The following ANKS1A variants were observed in gnomAD, a reference collection of about 807,000 sequenced individuals.
ANKS1A encodes the protein ankyrin repeat and SAM domain-containing protein 1A.
ANKS1A carries 55 observed loss-of-function variants against 120.3 expected under a neutral mutation model. The ratio of observed to expected loss-of-function variants is 0.46; its 90% confidence interval spans 0.37 to 0.57. The LOEUF is 0.57. Among genes scored for constraint, ANKS1A ranks in the 20% least tolerant of loss-of-function variants. The pLI is 0.00. For synonymous variants in ANKS1A, 590 were observed against 604.7 expected, an observed-to-expected ratio of 0.98 and a Z score of 0.36; for missense variants, 1,123 against 1,480.3, an observed-to-expected ratio of 0.76 and a Z score of 3.96.
chr6:34,893,163 C>G (rs1766906999), intron 1 of ANKS1A, among the ~76,000 whole-genome samples: 1 of 152,150 alleles, frequency 6.6e-6, no homozygotes, highest in Non-Finnish European at 1.5e-5. Context: ...TTATAGGTAT[C>G]ATCTTAGATA....
chr6:35,076,985 A>G (rs959913284), intron 13 of ANKS1A, among the ~76,000 whole-genome samples: 2 of 152,036 alleles, frequency 1.3e-5, no homozygotes, highest in Non-Finnish European at 2.9e-5. Flanking sequence ...GTAGGGAGGG[A>G]GTGCTTTGGA....
intron 1 of ANKS1A, among the ~76,000 whole-genome samples, chr6:34,944,624 T>C (rs1769695970): frequency 6.6e-6 from 1 of 152,206 alleles, no homozygotes; most frequent in Admixed American, 6.5e-5. Context: ...TCCAGGACTC[T>C]CCTGCATATA....
chr6:35,081,143 G>A lies in ANKS1A; in HGVS notation c.2694G>A (p.Glu898=). 1 of 1,611,042 alleles carries A rather than the reference G, an allele frequency of 6.2e-7. No individual in the cohort carries two copies. Among genetic ancestry groups the A allele is most frequent in the Non-Finnish European group, 8.5e-7 (1 of 1,178,874 alleles). ...LHDPAAPSRA[E]RFRIQEEHRE... ...ACCCTGCGGCACCCTCCCGAGCGGA[G>A]CGCTTCAGGATCCAGGTGGGGCAGG... Residue 898 remains glutamate (E), a synonymous_variant, in exon 17 of 24, where the codon GAG becomes GAA. Transcript: ENST00000360359.
intron 11 of ANKS1A, among the ~76,000 whole-genome samples, chr6:35,042,699 C>T (rs1007689685): frequency 6.6e-6 from 1 of 152,248 alleles, no homozygotes; most frequent in Non-Finnish European, 1.5e-5. Context: ...CACCAGTGCT[C>T]ATCAGTGCTT....
At chr6:35,039,091 T>TG (rs36124416) in intron 11 of ANKS1A, among the ~76,000 whole-genome samples, 52,166 of 113,598 alleles carry the variant, frequency 0.46, 9,411 homozygotes, top group East Asian at 0.63. Context: ...TGTGTGTGTG[T>TG]GGGGGGGGGT....
At position 34,967,211 on chromosome 6, in the gene ANKS1A, G is replaced by A. The variant is rs771209941; in HGVS notation, c.198-28G>A. 6.9e-6 allele frequency: 11 copies of A among 1,603,842 alleles called. No homozygotes were observed. In the African/African-American group the frequency reaches 1.3e-4, roughly 20 times the overall value. ...TGTGACTTCGGTCTGTGAAATCTAT[G>A]TCTCTCTCTTTTTTTTTTCCCTGAT... On this transcript the variant is annotated intron_variant, in intron 1 of 23. Coordinates refer to ENST00000360359, the MANE Select transcript of ANKS1A (RefSeq NM_015245.3).
rs1772029170 is a variant in ANKS1A at position 34,983,570 on chromosome 6, A to G, written c.1012+145A>G. On this transcript the variant is annotated intron_variant, in intron 7 of 23. Coordinates refer to ENST00000360359, the MANE Select transcript of ANKS1A (RefSeq NM_015245.3). The stretch of plus-strand genomic sequence containing the variant: ...TTTATATTCAGTTCATTTTTTGCCA[A>G]CTACTATGTGAAGTTTTATTGGACA... 7.0e-5 allele frequency: 49 copies of G among 703,894 alleles called. 2 individuals are homozygous for G. In the South Asian group the frequency reaches 9.2e-4, roughly 13 times the overall value. 43.6% of individuals were successfully genotyped at this position (703,894 alleles called of 1,614,324 possible).
chr6:34,889,504 C>T lies in ANKS1A; in HGVS notation c.102C>T (p.Gly34=). The T allele has an allele frequency of 1.0e-5, 13 of 1,269,708 alleles. No individual in the cohort carries two copies. Among genetic ancestry groups the T allele is most frequent in the South Asian group, 3.6e-5 (1 of 27,722 alleles). The allele number at this position is 1,269,708 out of a possible 1,614,324, so 78.7% of individuals were successfully genotyped here. A position where few individuals can be genotyped will look rare whatever the true frequency, so the allele number is the denominator to read the frequency against. ...AGCGGCTCTCCTCAGGCTTTGGGGG[C>T]GGCGGCGGCGGTGGCTCTGGGGGCG... The part of the protein sequence containing the change: ...SGKRLSSGFG[G]GGGGGSGGGG... Residue 34 remains glycine, a synonymous_variant, in exon 1 of 24, where the codon GGC becomes GGT. Coordinates refer to ENST00000360359, the MANE Select transcript of ANKS1A (RefSeq NM_015245.3). This position sits in a 1 kb window ranked among gnomAD's most constrained non-coding sequence, Gnocchi z 5.5.
chr6:34,938,867 A>G (rs371227940), intron 1 of ANKS1A, among the ~76,000 whole-genome samples: 19 of 152,204 alleles, frequency 1.2e-4, no homozygotes, highest in South Asian at 2.1e-4. Context: ...GCACGCCTGT[A>G]ATCCCACCTA....
At chr6:35,043,101 G>A (rs1219841570) in intron 11 of ANKS1A, among the ~76,000 whole-genome samples, 1 of 152,226 alleles carries the variant, frequency 6.6e-6, no homozygotes, top group African/African-American at 2.4e-5. Flanking sequence ...GTGTTGGGGA[G>A]AAGGGTCTTA....
At chr6:35,002,265 A>G (rs1024528748) in intron 10 of ANKS1A, among the ~76,000 whole-genome samples, 1 of 152,024 alleles carries the variant, frequency 6.6e-6, no homozygotes, top group African/African-American at 2.4e-5. Flanking sequence ...AAACATCAGT[A>G]GACTGGGAGC....
chr6:35,026,122 G>T lies in ANKS1A; in HGVS notation c.2010+8063G>T, dbSNP rs187023682. Reference sequence around the variant, plus strand: ...CATACAAATGCTGAGAATCAGAGAAGGAAACATTTTCTGGGATATTCTTTT... The same window carrying T: ...CATACAAATGCTGAGAATCAGAGAATGAAACATTTTCTGGGATATTCTTTT... On this transcript the variant is annotated intron_variant, in intron 11 of 23. Transcript: ENST00000360359. 2.5e-3 allele frequency among the ~76,000 whole-genome samples: 382 copies of T among 152,312 alleles called. 1 individual carries two copies. The highest frequency in any genetic ancestry group is 8.7e-3 in the African/African-American group (362 of 41,570).
chr6:34,910,690 G>A (rs143514355), intron 1 of ANKS1A, among the ~76,000 whole-genome samples: 94 of 151,930 alleles, frequency 6.2e-4, no homozygotes, highest in Middle Eastern at 3.4e-3. Context: ...GTGAAACCTC[G>A]TCTCTACTAA....
intron 8 of ANKS1A, among the ~76,000 whole-genome samples, chr6:34,987,809 G>A (rs1267313939): frequency 1.3e-5 from 2 of 152,216 alleles, no homozygotes; most frequent in East Asian, 1.9e-4. Context: ...GTAACTCAGC[G>A]TTCTGTTCTT....
chr6:34,953,972 TAAAG>T (rs1770217156), intron 1 of ANKS1A, among the ~76,000 whole-genome samples: 1 of 152,176 alleles, frequency 6.6e-6, no homozygotes, highest in Non-Finnish European at 1.5e-5. Context: ...AAGCCACTAA[TAAAG>T]TAAGTTGAAT....
At position 34,903,464 on chromosome 6, in the gene ANKS1A, A is replaced by G. The variant is rs117401210; in HGVS notation, c.197+13865A>G. On this transcript the variant is annotated intron_variant, in intron 1 of 23. Transcript: ENST00000360359. ...CTCAGTCTTTTGAGTAGCTAGGACTACAGGCATGCACCACCAAGTTTGCCT... is the reference window on the plus strand; with the variant it reads ...CTCAGTCTTTTGAGTAGCTAGGACTGCAGGCATGCACCACCAAGTTTGCCT... Among the ~76,000 whole-genome samples, 43 of 151,180 alleles carry G rather than the reference A, an allele frequency of 2.8e-4. No homozygotes were observed. In the East Asian group the frequency reaches 7.9e-3, roughly 28 times the overall value.
intron 3 of ANKS1A, among the ~76,000 whole-genome samples, chr6:34,978,709 G>C (rs1771738641): frequency 6.6e-6 from 1 of 150,436 alleles, no homozygotes; most frequent in African/African-American, 2.4e-5. Context: ...GGAGGCTGAG[G>C]CAGGAGAATC....
At chr6:35,041,156 GCT>G (rs1775436645) in intron 11 of ANKS1A, among the ~76,000 whole-genome samples, 1 of 152,204 alleles carries the variant, frequency 6.6e-6, no homozygotes, top group South Asian at 2.1e-4. Flanking sequence ...TAATAAACTA[GCT>G]CTTTCCTTGG....
Position 35,084,109 on chromosome 6 carries a change from T to C in ANKS1A, c.2995-12T>C. 2 of 1,613,940 alleles carry C rather than the reference T, an allele frequency of 1.2e-6. No homozygotes were observed. Among genetic ancestry groups the C allele is most frequent in the South Asian group, 1.1e-5 (1 of 91,058 alleles). On this transcript the variant is annotated splice_polypyrimidine_tract_variant and intron_variant, in intron 20 of 23. Transcript: ENST00000360359. This position sits in a 1 kb window ranked among gnomAD's most constrained non-coding sequence, Gnocchi z 4.8. ...GAGCCTGAGAATTCCAGAACACGGCTTTCCCCAGCAGAACGTCATTGCAGA... is the reference window on the plus strand; with the variant it reads ...GAGCCTGAGAATTCCAGAACACGGCCTTCCCCAGCAGAACGTCATTGCAGA...
Sources: allele counts gnomAD v4.1 joint callset (sites outside exome capture counted in the v4.1 genomes callset), GRCh38; gene constraint gnomAD v4.1.1; non-coding constraint Gnocchi (gnomAD v3.1); transcripts MANE v1.5; gene names NCBI Gene and HGNC (gene_info 2026-07-23, HGNC 2026-07-21).